The following TCP11L2 variants were observed in gnomAD, a reference collection of about 807,000 sequenced individuals.
TCP11L2 encodes t-complex 11 like 2.
Under a neutral mutation model 50.7 loss-of-function variants are expected in TCP11L2, and 39 were observed. That is an observed-to-expected ratio of 0.77 (90% CI 0.60 to 1.01). The LOEUF (loss-of-function observed/expected upper bound fraction) is 1.01, where lower values mean the gene tolerates loss of function less well. Ranked by LOEUF, TCP11L2 falls within the 50% of genes least tolerant of loss-of-function variation. The probability of loss-of-function intolerance (pLI) is 0.00; values close to 1 mark genes in which losing one functional copy is unlikely to be tolerated. For synonymous variants in TCP11L2, 192 were observed against 219.3 expected (o/e 0.88, Z 1.10); for missense variants, 612 against 614.7 (o/e 1.00, Z 0.05).
intron 6 of TCP11L2, chr12:106,326,051 A>G (rs1011612837): frequency 6.6e-6 from 1 of 152,206 alleles, no homozygotes; most frequent in African/African-American, 2.4e-5. Context: ...AAGGAAACTG[A>G]GATGCCAGAG....
At chr12:106,328,296 A>C (rs1001542070) in intron 6 of TCP11L2, among the ~76,000 whole-genome samples, 9 of 152,248 alleles carry the variant, frequency 5.9e-5, no homozygotes, top group Non-Finnish European at 1.5e-5. Context: ...CTGTAATCCC[A>C]GCACTTTGGG....
chr12:106,310,990 G>A, intron 1 of TCP11L2, 51 bp from the exon 2 acceptor site: 3 of 1,447,268 alleles, frequency 2.1e-6, no homozygotes, highest in East Asian at 2.3e-5. Context: ...CATTGGTGGT[G>A]CCTGTGGAAG....
intron 1 of TCP11L2, chr12:106,303,152 G>A (rs998945144): frequency 2.6e-5 from 4 of 152,220 alleles, no homozygotes; most frequent in Admixed American, 1.3e-4. Context: ...GTCCCGCGTG[G>A]GAGCGGGGAG....
At chr12:106,317,577 C>T (rs2035141202) in intron 3 of TCP11L2, among the ~76,000 whole-genome samples, 1 of 152,196 alleles carries the variant, frequency 6.6e-6, no homozygotes, top group African/African-American at 2.4e-5. Flanking sequence ...ATTTGTTAAG[C>T]AGTCACTATA....
intron 4 of TCP11L2, among the ~76,000 whole-genome samples, chr12:106,320,303 C>T (rs2035290682): frequency 6.6e-6 from 1 of 151,912 alleles, no homozygotes; most frequent in Non-Finnish European, 1.5e-5. Context: ...GAGGCTGGGG[C>T]AGGAGAATCT....
chr12:106,321,772 A>T, intron 5 of TCP11L2, 66 bp downstream of exon 5: 1 of 1,394,964 alleles, frequency 7.2e-7, no homozygotes, highest in South Asian at 1.2e-5. Context: ...GAAGTTGGGC[A>T]TCAGGGAACA....
intron 9 of TCP11L2, among the ~76,000 whole-genome samples, chr12:106,342,969 C>T (rs905504265): frequency 2.6e-5 from 4 of 152,186 alleles, no homozygotes; most frequent in Non-Finnish European, 5.9e-5. Context: ...AACTTTTGTC[C>T]ACCCAGCTTT....
chr12:106,309,591 T>C (rs953915776), intron 1 of TCP11L2, among the ~76,000 whole-genome samples: 6 of 151,802 alleles, frequency 4.0e-5, no homozygotes, highest in African/African-American at 1.5e-4. Flanking sequence ...ATTAAAAAAA[T>C]TACTCTTTTT....
At chr12:106,337,660 C>T (rs1017616338) in intron 8 of TCP11L2, among the ~76,000 whole-genome samples, 3 of 152,190 alleles carry the variant, frequency 2.0e-5, no homozygotes, top group Non-Finnish European at 4.4e-5. Flanking sequence ...AGCTCTGCTA[C>T]TGACTTATTA....
chr12:106,336,800 C>T (rs1428295155), intron 8 of TCP11L2, among the ~76,000 whole-genome samples: 1 of 152,134 alleles, frequency 6.6e-6, no homozygotes, highest in Non-Finnish European at 1.5e-5. Context: ...ACTCACCCAT[C>T]TCGGCCTCCC....
At chr12:106,301,190 T>G (rs2034404523), upstream of TCP11L2, among the ~76,000 whole-genome samples, 1 of 152,166 alleles carries the variant, frequency 6.6e-6, no homozygotes, top group African/African-American at 2.4e-5. Flanking sequence ...AGAACTCAGG[T>G]GGGGACAGCA....
intron 2 of TCP11L2, among the ~76,000 whole-genome samples, chr12:106,311,485 A>G (rs2034852832): frequency 6.6e-6 from 1 of 152,174 alleles, no homozygotes; most frequent in Non-Finnish European, 1.5e-5. Flanking sequence ...CAGGACTTCA[A>G]CCCCATCTGT....
chr12:106,303,790 T>G (rs1347454546), intron 1 of TCP11L2: 1 of 152,134 alleles, frequency 6.6e-6, no homozygotes. Flanking sequence ...AATGCAAAAA[T>G]CTAGTCAAGA....
At chr12:106,330,439 C>T (rs376527923) in intron 6 of TCP11L2, 48 of 426,426 alleles carry the variant, frequency 1.1e-4, no homozygotes, top group Middle Eastern at 2.4e-3. Context: ...CAGGGCAGGG[C>T]GGGAGGCTGA....
chr12:106,298,823 A>T (rs1280367498), upstream of TCP11L2, among the ~76,000 whole-genome samples: 1 of 131,050 alleles, frequency 7.6e-6, no homozygotes, highest in Non-Finnish European at 1.6e-5. Flanking sequence ...ATGCCCGGCC[A>T]TTTTTTTTTG....
chr12:106,316,949 G>T (rs2035113562), intron 3 of TCP11L2, among the ~76,000 whole-genome samples: 1 of 152,144 alleles, frequency 6.6e-6, no homozygotes, highest in African/African-American at 2.4e-5. Flanking sequence ...GGCGAGTACA[G>T]GCCATAGTGA....
chr12:106,316,645 A>G (rs1005662218), intron 3 of TCP11L2, among the ~76,000 whole-genome samples: 2 of 152,100 alleles, frequency 1.3e-5, no homozygotes, highest in Non-Finnish European at 2.9e-5. Context: ...GTAACTGTGT[A>G]CCACATTGTC....
At chr12:106,298,137 A>G (rs2034374861), upstream of TCP11L2, among the ~76,000 whole-genome samples, 1 of 152,240 alleles carries the variant, frequency 6.6e-6, no homozygotes, top group South Asian at 2.1e-4. Flanking sequence ...AGTGGAGTCA[A>G]AAGAAAACTG....
In TCP11L2 at chr12:106,335,839, G is replaced by A. The variant is rs2035899670; in HGVS notation, c.960+13G>A. 3 of 1,606,182 alleles carry A rather than the reference G, an allele frequency of 1.9e-6. No individual in the cohort carries two copies. The highest frequency in any genetic ancestry group is 2.5e-6 in the Non-Finnish European group (3 of 1,176,662). ...AGAATTACCAGAGGTGAGTGGTTTT[G>A]TTCTTCACCCAAATTTCCCAGTATT... is the stretch of plus-strand genomic sequence containing the variant. On this transcript the variant is annotated intron_variant, in intron 7 of 9. Coordinates refer to ENST00000299045, the MANE Select transcript of TCP11L2 (RefSeq NM_152772.3).
Sources: allele counts gnomAD v4.1 joint callset (sites outside exome capture counted in the v4.1 genomes callset), GRCh38; gene constraint gnomAD v4.1.1; transcripts MANE v1.5; gene names NCBI Gene and HGNC (gene_info 2026-07-23, HGNC 2026-07-21).